The following SNX25 variants were observed in gnomAD, a reference collection of about 807,000 sequenced individuals.
SNX25 encodes sorting nexin 25.
A neutral mutation model predicts 113.7 loss-of-function variants in SNX25; 62 were observed. The observed-to-expected ratio is 0.55, with a 90% CI of 0.44 to 0.67. The LOEUF is 0.67. Ranked by LOEUF, SNX25 falls within the 30% of genes least tolerant of loss-of-function variation. The pLI is 0.00. For synonymous variants in SNX25, 421 were observed against 436.2 expected (o/e 0.97, Z 0.43); for missense variants, 1,014 against 1,161.0 (o/e 0.87, Z 1.84).
At chr4:185,349,742 G>A (rs1292179383) in intron 13 of SNX25, among the ~76,000 whole-genome samples, 2 of 152,104 alleles carry the variant, frequency 1.3e-5, no homozygotes, top group African/African-American at 4.8e-5. Context: ...GTGTGTGTGT[G>A]TTTTGCTGTT....
At chr4:185,368,581 G>A (rs2095400962), downstream of SNX25, among the ~76,000 whole-genome samples, 1 of 152,116 alleles carries the variant, frequency 6.6e-6, no homozygotes, top group Non-Finnish European at 1.5e-5. Context: ...CTCATATCAT[G>A]CGTCATATGA....
At chr4:185,218,656 T>A (rs1241412959) in intron 1 of SNX25, among the ~76,000 whole-genome samples, 2 of 152,190 alleles carry the variant, frequency 1.3e-5, no homozygotes, top group Non-Finnish European at 2.9e-5. Flanking sequence ...CCAAGTAAAA[T>A]GCTTCTGAAG....
intron 5 of SNX25, among the ~76,000 whole-genome samples, chr4:185,270,573 A>G (rs1373120454): frequency 2.6e-5 from 4 of 152,188 alleles, no homozygotes; most frequent in Non-Finnish European, 2.9e-5. Flanking sequence ...TAAGTGTACA[A>G]TTCCGTGGTT....
chr4:185,339,932 A>G (rs1423797899), intron 11 of SNX25, among the ~76,000 whole-genome samples: 1 of 152,212 alleles, frequency 6.6e-6, no homozygotes, highest in Non-Finnish European at 1.5e-5. Flanking sequence ...TTCAATGAAT[A>G]TGTTTTTTGA....
At chr4:185,347,175 T>C (rs888747825) in intron 13 of SNX25, among the ~76,000 whole-genome samples, 1 of 152,252 alleles carries the variant, frequency 6.6e-6, no homozygotes, top group Non-Finnish European at 1.5e-5. Flanking sequence ...CCGTTGTTGA[T>C]GAGCCTTTGG....
In SNX25 at chr4:185,276,588, C is replaced by T. The variant is rs575328030; in HGVS notation, c.1091+9433C>T. 3.3e-5 allele frequency among the ~76,000 whole-genome samples: 5 copies of T among 152,316 alleles called. No homozygotes were observed. The South Asian group carries it at 6.2e-4, about 19-fold the overall frequency. ...AACCTCAGAGCCAGGTGTCATGGCACACTTGGGAGGCTGGGGCGGGAGGAT... is the reference window on the plus strand; with the variant it reads ...AACCTCAGAGCCAGGTGTCATGGCATACTTGGGAGGCTGGGGCGGGAGGAT... On this transcript the variant is annotated intron_variant, in intron 5 of 18. Transcript: ENST00000652585.
At chr4:185,377,611 G>A in the SNX25 span, 6 of 166,000 alleles carry the variant, frequency 3.6e-5, no homozygotes, top group East Asian at 1.0e-3. Context: ...TGCAGGGCTG[G>A]GTATAAGTCT....
chr4:185,226,168 G>C (rs1434338028), intron 1 of SNX25, among the ~76,000 whole-genome samples: 4 of 152,198 alleles, frequency 2.6e-5, no homozygotes, highest in Non-Finnish European at 5.9e-5. Context: ...TTGGCACATA[G>C]CGTGAAACCC....
At chr4:185,283,190 C>T (rs1479029566) in intron 5 of SNX25, among the ~76,000 whole-genome samples, 2 of 152,100 alleles carry the variant, frequency 1.3e-5, no homozygotes, top group African/African-American at 4.8e-5. Context: ...TCACAGGAGA[C>T]CCATGTGACT....
Position 185,339,591 on chromosome 4 carries a change from T to C in SNX25, c.2046+81T>C, listed in dbSNP as rs147567486. The C allele has an allele frequency of 2.2e-4, 325 of 1,507,754 alleles. 2 individuals carry two copies. In the African/African-American group the frequency reaches 4.0e-3, roughly 19 times the overall value. The allele number at this position is 1,507,754 out of a possible 1,614,324, so 93.4% of individuals were successfully genotyped here. A position where few individuals can be genotyped will look rare whatever the true frequency, so the allele number is the denominator to read the frequency against. On this transcript the variant is annotated intron_variant, in intron 11 of 18. Transcript: ENST00000652585. ...AAGATTTTATCCTGAAGAATGAAGA[T>C]TGAGGGTAGAAAACTTACACTCATT... is the stretch of plus-strand genomic sequence containing the variant.
At chr4:185,257,408 C>T (rs550435681) in intron 2 of SNX25, among the ~76,000 whole-genome samples, 111 of 152,196 alleles carry the variant, frequency 7.3e-4, no homozygotes, top group African/African-American at 2.6e-3. Flanking sequence ...CTGTCCAACA[C>T]GGTAACCACT....
chr4:185,256,972 A>G lies in SNX25; in HGVS notation c.515-1876A>G, dbSNP rs1746535997. Among the ~76,000 whole-genome samples the G allele has an allele frequency of 2.6e-5, 4 of 152,198 alleles. No individual in the cohort carries two copies. In the South Asian group the frequency reaches 8.3e-4, roughly 32 times the overall value. On this transcript the variant is annotated intron_variant, in intron 2 of 18. Coordinates refer to ENST00000652585, the MANE Select transcript of SNX25 (RefSeq NM_001378034.2). The stretch of plus-strand genomic sequence containing the variant: ...ATTTGGTGTGTAGTGGCCAAGATGT[A>G]TAAAATGAACCCCAAATTCTAGGCT...
chr4:185,220,974 C>T (rs1739742654), intron 1 of SNX25, among the ~76,000 whole-genome samples: 1 of 152,062 alleles, frequency 6.6e-6, no homozygotes, highest in Non-Finnish European at 1.5e-5. Context: ...TGTGATCCTC[C>T]ATGCCTCACT....
chr4:185,351,848 C>T (rs1356322950), intron 14 of SNX25, among the ~76,000 whole-genome samples: 5 of 150,642 alleles, frequency 3.3e-5, no homozygotes, highest in Non-Finnish European at 7.4e-5. Context: ...GCAGGAGCCC[C>T]GCTACACACG....
chr4:185,240,681 G>A (rs571885123), intron 1 of SNX25, among the ~76,000 whole-genome samples: 222 of 151,432 alleles, frequency 1.5e-3, no homozygotes, highest in Non-Finnish European at 2.8e-3. Flanking sequence ...CGGACGGGGC[G>A]GCTGCCGGGC....
intron 6 of SNX25, among the ~76,000 whole-genome samples, chr4:185,303,658 CAA>C (rs34378168): frequency 2.0e-5 from 1 of 50,904 alleles, no homozygotes; most frequent in Non-Finnish European, 4.2e-5. Context: ...GACTCTGTCT[CAA>C]AAAAAAAAAA....
chr4:185,227,839 G>T (rs984753519), intron 1 of SNX25, among the ~76,000 whole-genome samples: 1 of 152,182 alleles, frequency 6.6e-6, no homozygotes, highest in Non-Finnish European at 1.5e-5. Flanking sequence ...CAGTGTACAC[G>T]TGACAGTTAA....
upstream of SNX25, chr4:185,207,759 T>C (rs1737251657): frequency 1.3e-5 from 2 of 152,198 alleles, no homozygotes; most frequent in South Asian, 4.1e-4. Context: ...TTCCCCGCTG[T>C]GTAGATGGAG....
intron 3 of SNX25, among the ~76,000 whole-genome samples, chr4:185,261,368 G>T (rs1361238292): frequency 1.3e-5 from 2 of 151,852 alleles, no homozygotes; most frequent in Admixed American, 6.6e-5. Flanking sequence ...GTAGAGATGG[G>T]GTTTCACCAT....
Sources: allele counts gnomAD v4.1 joint callset (sites outside exome capture counted in the v4.1 genomes callset), GRCh38; gene constraint gnomAD v4.1.1; transcripts MANE v1.5; gene names NCBI Gene and HGNC (gene_info 2026-07-23, HGNC 2026-07-21).